The following BAIAP2L1 variants were observed in gnomAD, a reference collection of about 807,000 sequenced individuals.
BAIAP2L1 encodes the protein BAR/IMD domain containing adaptor protein 2 like 1, also known as BAR/IMD domain-containing adapter protein 2-like 1.
Under a neutral mutation model 66.3 loss-of-function variants are expected in BAIAP2L1, and 35 were observed. That is an observed-to-expected ratio of 0.53 (90% CI 0.40 to 0.70). The LOEUF (loss-of-function observed/expected upper bound fraction) is 0.70, where lower values mean the gene tolerates loss of function less well. Among genes scored for constraint, BAIAP2L1 ranks in the 30% least tolerant of loss-of-function variants. The pLI, the probability that BAIAP2L1 is intolerant of heterozygous loss-of-function variation, is 0.00. For synonymous variants in BAIAP2L1, 269 were observed against 248.7 expected (o/e 1.08, Z -0.77); for missense variants, 622 against 656.9 (o/e 0.95, Z 0.58).
chr7:98,377,296 T>C (rs1802656240), intron 1 of BAIAP2L1, among the ~76,000 whole-genome samples: 1 of 152,192 alleles, frequency 6.6e-6, no homozygotes, highest in Admixed American at 6.6e-5. Flanking sequence ...ACATGTCTCC[T>C]TGTACATACA....
At chr7:98,296,623 G>A (rs1425652451) in intron 12 of BAIAP2L1, among the ~76,000 whole-genome samples, 1 of 152,060 alleles carries the variant, frequency 6.6e-6, no homozygotes, top group Non-Finnish European at 1.5e-5. Flanking sequence ...GACTCCATCT[G>A]TAAAAAACAA....
chr7:98,297,188 C>T (rs1710892522), intron 12 of BAIAP2L1, among the ~76,000 whole-genome samples: 1 of 152,216 alleles, frequency 6.6e-6, no homozygotes, highest in Non-Finnish European at 1.5e-5. Flanking sequence ...ATCTTGTGAT[C>T]CCCCATCTCC....
intron 3 of BAIAP2L1, among the ~76,000 whole-genome samples, chr7:98,339,449 A>G (rs902153785): frequency 4.6e-5 from 7 of 152,236 alleles, no homozygotes; most frequent in Admixed American, 4.6e-4. Context: ...GAAAGAGTAC[A>G]TAGGGAAGTG....
chr7:98,349,002 G>A (rs531644708), intron 3 of BAIAP2L1, among the ~76,000 whole-genome samples: 7 of 152,334 alleles, frequency 4.6e-5, no homozygotes, highest in South Asian at 4.1e-4. Context: ...TCGCCTGGGC[G>A]GGGTGAGCTC....
chr7:98,365,550 A>C (rs1394250712), intron 1 of BAIAP2L1, among the ~76,000 whole-genome samples: 1 of 152,156 alleles, frequency 6.6e-6, no homozygotes, highest in East Asian at 1.9e-4. Context: ...GGCTCACTAC[A>C]ACCTCGGCCT....
At chr7:98,330,659 AAAT>A (rs980041210) in intron 3 of BAIAP2L1, among the ~76,000 whole-genome samples, 14 of 152,320 alleles carry the variant, frequency 9.2e-5, no homozygotes, top group African/African-American at 3.4e-4. Flanking sequence ...TGTTTCAAAA[AAAT>A]AATAATAAAA....
intron 3 of BAIAP2L1, among the ~76,000 whole-genome samples, chr7:98,324,022 GAA>G: frequency 6.7e-6 from 1 of 148,662 alleles, no homozygotes; most frequent in African/African-American, 2.5e-5. Flanking sequence ...TGAAAAGGGG[GAA>G]AAAAAAAACC....
rs1203007400 is a variant in BAIAP2L1 at position 98,356,969 on chromosome 7, G to A, written c.128-1841C>T. On this transcript the variant is annotated intron_variant, in intron 2 of 13. Coordinates refer to ENST00000005260, the MANE Select transcript of BAIAP2L1 (RefSeq NM_018842.5). Reference sequence around the variant, plus strand: ...CACAACTGTACCACTGTACTCCAGCGTGGGCAAGAGTGAGGCCCCTGTCTC... The same window carrying A: ...CACAACTGTACCACTGTACTCCAGCATGGGCAAGAGTGAGGCCCCTGTCTC... Among the ~76,000 whole-genome samples, 7 of 112,926 alleles carry A rather than the reference G, an allele frequency of 6.2e-5. No homozygotes were observed. In the East Asian group the frequency reaches 1.7e-3, roughly 28 times the overall value. 74.1% of individuals were successfully genotyped at this position (112,926 alleles called of 152,430 possible).
intron 1 of BAIAP2L1, among the ~76,000 whole-genome samples, chr7:98,389,596 C>A (rs73391087): frequency 0.12 from 18,094 of 152,072 alleles, 1,335 homozygotes; most frequent in South Asian, 0.23. Context: ...GCTGGGATTA[C>A]GGGCATGAGG....
intron 13 of BAIAP2L1, 113 bp from the exon 14 acceptor site, chr7:98,293,709 C>G (rs1288414657): frequency 3.0e-6 from 3 of 996,834 alleles, no homozygotes; most frequent in Middle Eastern, 5.9e-4. Context: ...GACCACCTCC[C>G]CAGCTTGTAC....
intron 3 of BAIAP2L1, among the ~76,000 whole-genome samples, chr7:98,333,892 G>C (rs1163688120): frequency 6.6e-6 from 1 of 152,032 alleles, no homozygotes; most frequent in Non-Finnish European, 1.5e-5. Flanking sequence ...TTAAAAAGCG[G>C]TGCACAAAGT....
At chr7:98,306,987 AG>A in intron 10 of BAIAP2L1, 1 of 160,804 alleles carries the variant, frequency 6.2e-6, no homozygotes, top group East Asian at 1.8e-4. Context: ...CTGACAAGCT[AG>A]TTACAGGAAG....
chr7:98,334,684 T>C (rs1801571081), intron 3 of BAIAP2L1, among the ~76,000 whole-genome samples: 1 of 151,840 alleles, frequency 6.6e-6, no homozygotes. Context: ...TGGGACTGAC[T>C]ATAGGTGCCC....
intron 2 of BAIAP2L1, among the ~76,000 whole-genome samples, chr7:98,362,013 C>T (rs1481538016): frequency 6.6e-6 from 1 of 152,134 alleles, no homozygotes; most frequent in African/African-American, 2.4e-5. Flanking sequence ...CTTTTATATA[C>T]ATAAAAGGAG....
intron 3 of BAIAP2L1, among the ~76,000 whole-genome samples, chr7:98,328,141 C>T (rs1022175987): frequency 1.3e-5 from 2 of 151,712 alleles, no homozygotes; most frequent in African/African-American, 2.4e-5. Context: ...AAGTCAGAAG[C>T]GACTGCTGAC....
chr7:98,370,385 A>AAC (rs1408596072), intron 1 of BAIAP2L1, among the ~76,000 whole-genome samples: 1 of 151,712 alleles, frequency 6.6e-6, no homozygotes, highest in African/African-American at 2.4e-5. Context: ...AAAAAAAAAA[A>AAC]AAAAAAGATT....
intron 11 of BAIAP2L1, among the ~76,000 whole-genome samples, chr7:98,305,022 C>G (rs1038715344): frequency 6.7e-6 from 1 of 149,484 alleles, no homozygotes; most frequent in Non-Finnish European, 1.5e-5. Flanking sequence ...CCTGCCACCA[C>G]GCCCAGCTAA....
intron 1 of BAIAP2L1, among the ~76,000 whole-genome samples, chr7:98,391,416 A>C (rs1803040878): frequency 6.6e-6 from 1 of 151,990 alleles, no homozygotes; most frequent in Non-Finnish European, 1.5e-5. Context: ...AACCATTAAA[A>C]TCTAAAACTT....
At chr7:98,374,819 C>T (rs1802582539) in intron 1 of BAIAP2L1, among the ~76,000 whole-genome samples, 1 of 152,156 alleles carries the variant, frequency 6.6e-6, no homozygotes, top group Non-Finnish European at 1.5e-5. Context: ...GGCATCGTGG[C>T]TAATGCCTGT....
Sources: allele counts gnomAD v4.1 joint callset (sites outside exome capture counted in the v4.1 genomes callset), GRCh38; gene constraint gnomAD v4.1.1; transcripts MANE v1.5; gene names NCBI Gene and HGNC (gene_info 2026-07-23, HGNC 2026-07-21).